ADK: variants seen among roughly 807,000 people sequenced by gnomAD.
ADK encodes the protein adenosine kinase.
ADK carries 24 observed loss-of-function variants against 44.7 expected under a neutral mutation model. The ratio of observed to expected loss-of-function variants is 0.54; its 90% CI spans 0.39 to 0.76. The LOEUF (loss-of-function observed/expected upper bound fraction) is 0.76. Ranked by LOEUF, ADK falls within the 30% of genes least tolerant of loss-of-function variation. ADK has a pLI of 0.00. For synonymous variants in ADK, 128 were observed against 142.6 expected (o/e 0.90, Z 0.73); for missense variants, 321 against 425.1 (o/e 0.76, Z 2.15).
At chr10:74,301,504 A>G (rs1037763539) in intron 3 of ADK, among the ~76,000 whole-genome samples, 1 of 138,816 alleles carries the variant, frequency 7.2e-6, no homozygotes, top group Non-Finnish European at 1.5e-5. Flanking sequence ...ACAGAATGAG[A>G]CTCTGTCTCA....
At chr10:74,201,432 C>T (rs1283758413) in intron 2 of ADK, among the ~76,000 whole-genome samples, 1 of 152,082 alleles carries the variant, frequency 6.6e-6, no homozygotes, top group East Asian at 1.9e-4. Flanking sequence ...TCTCAGTTAC[C>T]CATAGGACAG....
At chr10:74,359,638 T>G (rs1165916614) in intron 4 of ADK, among the ~76,000 whole-genome samples, 2 of 152,096 alleles carry the variant, frequency 1.3e-5, no homozygotes, top group East Asian at 3.9e-4. Context: ...TGGGCCCAGG[T>G]GGTCAAGGCT....
chr10:74,698,860 G>A (rs547750194), intron 10 of ADK, among the ~76,000 whole-genome samples: 2 of 151,248 alleles, frequency 1.3e-5, no homozygotes, highest in Admixed American at 6.6e-5. Context: ...GGCCTGACTT[G>A]TTTTTGTTTT....
At chr10:74,583,296 A>G (rs939696152) in intron 7 of ADK, among the ~76,000 whole-genome samples, 3 of 152,168 alleles carry the variant, frequency 2.0e-5, no homozygotes, top group African/African-American at 7.2e-5. Flanking sequence ...CTTTGACTCA[A>G]TATTGTTTTT....
At chr10:74,396,719 C>T (rs930428543) in intron 5 of ADK, among the ~76,000 whole-genome samples, 5 of 142,266 alleles carry the variant, frequency 3.5e-5, no homozygotes, top group Non-Finnish European at 7.9e-5. Context: ...TTTGGGAGGC[C>T]GAGGCGGGTG....
At chr10:74,504,253 C>T (rs1292322822) in intron 6 of ADK, among the ~76,000 whole-genome samples, 1 of 151,696 alleles carries the variant, frequency 6.6e-6, no homozygotes, top group African/African-American at 2.4e-5. Context: ...TATGTACCTC[C>T]TGAAAAATCA....
chr10:74,589,091 G>A (rs1851625587), intron 7 of ADK, among the ~76,000 whole-genome samples, 191 bp from the exon 8 acceptor site: 1 of 151,936 alleles, frequency 6.6e-6, no homozygotes, highest in South Asian at 2.1e-4. Flanking sequence ...TTGACATTAG[G>A]CTGCCTTTTT....
intron 9 of ADK, among the ~76,000 whole-genome samples, chr10:74,664,133 A>G (rs971734156): frequency 6.6e-6 from 1 of 152,214 alleles, no homozygotes; most frequent in African/African-American, 2.4e-5. Flanking sequence ...AATAGCCTAA[A>G]AGTCCATCAG....
At chr10:74,339,300 A>G (rs1349428620) in intron 4 of ADK, among the ~76,000 whole-genome samples, 1 of 152,120 alleles carries the variant, frequency 6.6e-6, no homozygotes, top group African/African-American at 2.4e-5. Context: ...TTCTAGGATA[A>G]CCAATATAAG....
chr10:74,207,560 C>T (rs956968742), intron 2 of ADK, among the ~76,000 whole-genome samples: 2 of 152,182 alleles, frequency 1.3e-5, no homozygotes, highest in African/African-American at 2.4e-5. Context: ...GTCGTCCTGA[C>T]AAGTGTTCAC....
chr10:74,674,975 A>G (rs1363986859), intron 10 of ADK, among the ~76,000 whole-genome samples: 1 of 152,100 alleles, frequency 6.6e-6, no homozygotes, highest in Non-Finnish European at 1.5e-5. Context: ...TACATTTACT[A>G]TGTAGTTTAT....
intron 7 of ADK, among the ~76,000 whole-genome samples, chr10:74,541,806 T>C (rs199668389): frequency 0.12 from 866 of 7,228 alleles, 9 homozygotes; most frequent in African/African-American, 0.19. Context: ...CCCCCCCCCC[T>C]AAAAAAAAAC....
chr10:74,550,932 C>T (rs192039001), intron 7 of ADK, among the ~76,000 whole-genome samples: 17 of 152,174 alleles, frequency 1.1e-4, no homozygotes, highest in South Asian at 2.1e-4. Context: ...TGAACTCCTG[C>T]GTTCAAGCAA....
At chr10:74,203,557 C>T (rs923075406) in intron 2 of ADK, among the ~76,000 whole-genome samples, 1 of 151,836 alleles carries the variant, frequency 6.6e-6, no homozygotes, top group Non-Finnish European at 1.5e-5. Context: ...ACAGGGTCTC[C>T]TTATGATGCC....
At chr10:74,311,785 C>T (rs561414764) in intron 3 of ADK, among the ~76,000 whole-genome samples, 1 of 152,252 alleles carries the variant, frequency 6.6e-6, no homozygotes, top group Non-Finnish European at 1.5e-5. Context: ...TTGAGAGATA[C>T]TGTAATCATG....
intron 4 of ADK, among the ~76,000 whole-genome samples, chr10:74,361,642 G>C (rs1842339386): frequency 6.6e-6 from 1 of 152,174 alleles, no homozygotes. Context: ...TCTTACTACA[G>C]ATATTAGTGT....
At chr10:74,511,675 A>G (rs1375144887) in intron 6 of ADK, among the ~76,000 whole-genome samples, 1 of 152,182 alleles carries the variant, frequency 6.6e-6, no homozygotes, top group Non-Finnish European at 1.5e-5. Flanking sequence ...TATGGAATTC[A>G]TTTATCAGTT....
At chr10:74,603,886 TTCCTCCACA>T (rs2133974545) in intron 9 of ADK, among the ~76,000 whole-genome samples, 1 of 152,316 alleles carries the variant, frequency 6.6e-6, no homozygotes, top group Admixed American at 6.5e-5. Flanking sequence ...AGCATTCCTG[TTCCTCCACA>T]TCCTCACCAG....
intron 4 of ADK, among the ~76,000 whole-genome samples, chr10:74,383,645 T>C (rs1283173611): frequency 1.3e-5 from 2 of 152,150 alleles, no homozygotes; most frequent in African/African-American, 4.8e-5. Flanking sequence ...AATGAAGACT[T>C]GAAGAAACAA....
Sources: gnomAD v4.1 joint callset for allele counts (sites outside exome capture counted in the v4.1 genomes callset) on GRCh38, gnomAD v4.1.1 for gene constraint, MANE v1.5 for transcripts, NCBI Gene and HGNC (gene_info 2026-07-23, HGNC 2026-07-21) for gene names.